The following PRDM16 variants were observed in gnomAD, a reference collection of about 807,000 sequenced individuals.
PRDM16 encodes PR/SET domain 16, also known as histone-lysine N-methyltransferase PRDM16.
PRDM16 carries 23 observed loss-of-function variants against 110.6 expected under a neutral mutation model. That is an observed-to-expected ratio of 0.21 (90% CI 0.15 to 0.29). PRDM16 has a LOEUF of 0.29. Among genes scored for constraint, PRDM16 ranks in the 10% least tolerant of loss-of-function variants. The probability of loss-of-function intolerance (pLI) is 1.00; values close to 1 mark genes in which losing one functional copy is unlikely to be tolerated. For synonymous variants in PRDM16, 799 were observed against 781.8 expected, an observed-to-expected ratio of 1.02 and a Z score of -0.37; for missense variants, 1,615 against 1,794.3, an observed-to-expected ratio of 0.90 and a Z score of 1.81.
chr1:3,299,260 G>T (rs111515000), intron 3 of PRDM16, among the ~76,000 whole-genome samples: 1 of 148,720 alleles, frequency 6.7e-6, no homozygotes, highest in African/African-American at 2.5e-5. Context: ...GATCCCAGTC[G>T]TGGTGGCTCT....
intron 3 of PRDM16, among the ~76,000 whole-genome samples, chr1:3,373,660 C>T (rs1183775637): frequency 4.6e-5 from 7 of 152,224 alleles, no homozygotes; most frequent in Admixed American, 4.6e-4. Context: ...GGACCTGGAG[C>T]TTCTCTCCTG....
At chr1:3,261,899 G>A (rs1206664867) in intron 3 of PRDM16, among the ~76,000 whole-genome samples, 1 of 152,222 alleles carries the variant, frequency 6.6e-6, no homozygotes, top group Non-Finnish European at 1.5e-5. Context: ...CATGGGCCAT[G>A]AGGCAATAGG....
intron 1 of PRDM16, among the ~76,000 whole-genome samples, chr1:3,152,348 TCATCCATC>T (rs70938075): frequency 0.23 from 33,979 of 149,472 alleles, 3,947 homozygotes; most frequent in Admixed American, 0.29. Flanking sequence ...ATCTATGCAT[TCATCCATC>T]CATCCATCCA....
chr1:3,078,890 G>T (rs868180001), intron 1 of PRDM16, among the ~76,000 whole-genome samples: 1 of 152,222 alleles, frequency 6.6e-6, no homozygotes, highest in Non-Finnish European at 1.5e-5. Context: ...AAAGGGGAAC[G>T]CATTGAAAAA....
intron 1 of PRDM16, among the ~76,000 whole-genome samples, chr1:3,114,408 A>G (rs1019899486): frequency 1.9e-5 from 2 of 102,908 alleles, no homozygotes; most frequent in South Asian, 3.3e-4. Flanking sequence ...GCGCACACAC[A>G]CGCACACACA....
chr1:3,094,527 C>T (rs1642350598), intron 1 of PRDM16, among the ~76,000 whole-genome samples: 1 of 152,178 alleles, frequency 6.6e-6, no homozygotes, highest in African/African-American at 2.4e-5. Flanking sequence ...ACATGGCTGC[C>T]CTTCTAAGCC....
At chr1:3,087,799 A>T (rs1642184933) in intron 1 of PRDM16, among the ~76,000 whole-genome samples, 1 of 151,566 alleles carries the variant, frequency 6.6e-6, no homozygotes, top group African/African-American at 2.4e-5. Flanking sequence ...TTTTTTCACC[A>T]CCTTGAGATG....
intron 1 of PRDM16, among the ~76,000 whole-genome samples, chr1:3,182,813 C>T (rs1008605595): frequency 4.6e-5 from 7 of 152,186 alleles, no homozygotes; most frequent in African/African-American, 9.6e-5. Context: ...CACATAGACT[C>T]GGCTGGAACT....
chr1:3,268,305 G>A (rs1357658201), intron 3 of PRDM16, among the ~76,000 whole-genome samples: 2 of 152,234 alleles, frequency 1.3e-5, no homozygotes, highest in Non-Finnish European at 2.9e-5. Flanking sequence ...CGAGCAATTA[G>A]GATAATTAAA....
intron 3 of PRDM16, among the ~76,000 whole-genome samples, chr1:3,295,201 C>A (rs1641060406): frequency 6.6e-6 from 1 of 152,188 alleles, no homozygotes; most frequent in Admixed American, 6.5e-5. Context: ...AGGAGCCAGG[C>A]CATTACAGCT....
chr1:3,285,755 A>G (rs895623654), intron 3 of PRDM16, among the ~76,000 whole-genome samples: 2 of 152,126 alleles, frequency 1.3e-5, no homozygotes, highest in East Asian at 1.9e-4. Flanking sequence ...CTCCCAGGCC[A>G]TGGCAGAGGA....
chr1:3,307,886 G>A (rs1444324859), intron 3 of PRDM16: 3 of 152,214 alleles, frequency 2.0e-5, no homozygotes, highest in Non-Finnish European at 4.4e-5. Flanking sequence ...GAGCGGCTCA[G>A]CCTGTGAGAG....
intron 2 of PRDM16, among the ~76,000 whole-genome samples, chr1:3,211,506 C>T (rs914866838): frequency 1.3e-5 from 2 of 152,180 alleles, no homozygotes; most frequent in African/African-American, 4.8e-5. Flanking sequence ...TGGGGCCCGT[C>T]GGGGGCTGCA....
intron 3 of PRDM16, among the ~76,000 whole-genome samples, chr1:3,378,355 G>A (rs1182125983): frequency 6.6e-6 from 1 of 152,186 alleles, no homozygotes; most frequent in East Asian, 1.9e-4. Context: ...GCCAAGGGAA[G>A]CAGGGACCGG....
At position 3,438,351 on chromosome 1, in the gene PRDM16, CAATT is replaced by C; in HGVS notation, c.*4544_*4547del. On this transcript the variant is annotated 3_prime_UTR_variant, in exon 17 of 17. Transcript: ENST00000270722. ...GCTGACGCGAAAGAGGCGCAGTTCCCAATTAATACGGAAATCGCTGTGGGAGAAG... is the reference window on the plus strand; with the variant it reads ...GCTGACGCGAAAGAGGCGCAGTTCCCAATACGGAAATCGCTGTGGGAGAAG... 4.9e-6 allele frequency: 1 copy of C among 202,630 alleles called. No homozygotes were observed. Among genetic ancestry groups the C allele is most frequent in the East Asian group, 7.6e-5 (1 of 13,222 alleles). The allele number at this position is 202,630 out of a possible 1,614,324, so 12.6% of individuals were successfully genotyped here.
chr1:3,226,455 G>A (rs570653752), intron 2 of PRDM16, among the ~76,000 whole-genome samples: 16 of 152,222 alleles, frequency 1.1e-4, no homozygotes, highest in Admixed American at 9.8e-4. Context: ...GTCTCTGCTC[G>A]CTCAGAGACA....
At chr1:3,228,973 C>T (rs1175173127) in intron 2 of PRDM16, among the ~76,000 whole-genome samples, 1 of 152,248 alleles carries the variant, frequency 6.6e-6, no homozygotes, top group African/African-American at 2.4e-5. Flanking sequence ...ACAGCTCTCC[C>T]AGCCCTAAGA....
At chr1:3,197,198 C>G (rs1638500896) in intron 2 of PRDM16, among the ~76,000 whole-genome samples, 1 of 152,192 alleles carries the variant, frequency 6.6e-6, no homozygotes, top group African/African-American at 2.4e-5. Flanking sequence ...TGAACTGGGC[C>G]CCAGGGAGGG....
At chr1:3,354,861 G>A (rs1184424514) in intron 3 of PRDM16, among the ~76,000 whole-genome samples, 1 of 152,110 alleles carries the variant, frequency 6.6e-6, no homozygotes, top group Non-Finnish European at 1.5e-5. Flanking sequence ...AGAGGAGAGT[G>A]CCCTGTGTTC....
Sources: gnomAD v4.1 joint callset for allele counts (sites outside exome capture counted in the v4.1 genomes callset) on GRCh38, gnomAD v4.1.1 for gene constraint, MANE v1.5 for transcripts, NCBI Gene and HGNC (gene_info 2026-07-23, HGNC 2026-07-21) for gene names.